TENM3: variants seen among roughly 807,000 people sequenced by gnomAD.
TENM3 encodes teneurin-3.
TENM3 carries 63 observed loss-of-function variants against 255.1 expected under a neutral mutation model. That is an observed-to-expected ratio of 0.25 (90% CI 0.20 to 0.30). The LOEUF is 0.30. Ranked by LOEUF, TENM3 falls within the 10% of genes least tolerant of loss-of-function variation. The probability of loss-of-function intolerance (pLI) is 1.00; values close to 1 mark genes in which losing one functional copy is unlikely to be tolerated. For missense variants in TENM3, 2,929 were observed against 3,461.1 expected (o/e 0.85, Z 3.86); for synonymous variants, 1,306 against 1,322.3 (o/e 0.99, Z 0.27).
chr4:182,387,224 A>G (rs944827559), intron 3 of TENM3, among the ~76,000 whole-genome samples: 1 of 152,122 alleles, frequency 6.6e-6, no homozygotes, highest in Non-Finnish European at 1.5e-5. Context: ...AAGGTTTGTA[A>G]ACACACCAGT....
intron 3 of TENM3, among the ~76,000 whole-genome samples, chr4:182,503,013 C>T (rs1029207379): frequency 7.0e-6 from 1 of 142,968 alleles, no homozygotes; most frequent in Admixed American, 7.4e-5. Context: ...ATCTTCTGCT[C>T]TCTTGTCCAA....
intron 1 of TENM3, among the ~76,000 whole-genome samples, chr4:182,314,255 C>T (rs1490636955): frequency 2.0e-5 from 3 of 151,560 alleles, no homozygotes; most frequent in Admixed American, 2.0e-4. Context: ...GAGCCGAGAT[C>T]GCGCCACTAC....
At chr4:182,719,689 GGT>G (rs1259995299) in intron 13 of TENM3, among the ~76,000 whole-genome samples, 1 of 151,960 alleles carries the variant, frequency 6.6e-6, no homozygotes, top group East Asian at 1.9e-4. Flanking sequence ...AGTCAACTGA[GGT>G]TATTCAGAAA....
intron 3 of TENM3, among the ~76,000 whole-genome samples, chr4:182,414,234 T>C (rs75095121): frequency 4.6e-5 from 7 of 152,328 alleles, no homozygotes; most frequent in Admixed American, 1.3e-4. Context: ...TTATGCCTAA[T>C]TGTGGTGAGT....
At chr4:182,768,292 T>C (rs17074039) in intron 22 of TENM3, among the ~76,000 whole-genome samples, 13,535 of 152,224 alleles carry the variant, frequency 0.089, 730 homozygotes, top group South Asian at 0.13. Context: ...CGATAAATAC[T>C]CCTGTTGTCA....
At chr4:182,459,326 A>G (rs930360255) in intron 3 of TENM3, among the ~76,000 whole-genome samples, 1 of 152,206 alleles carries the variant, frequency 6.6e-6, no homozygotes, top group Non-Finnish European at 1.5e-5. Context: ...TTTGAAAGCA[A>G]TAGTATTCAT....
upstream of TENM3, among the ~76,000 whole-genome samples, chr4:182,240,377 T>G (rs568638904): frequency 1.4e-3 from 211 of 152,292 alleles, no homozygotes; most frequent in Non-Finnish European, 2.3e-3. Context: ...CCCACATTCT[T>G]TAAATATTTT....
the TENM3 span, among the ~76,000 whole-genome samples, chr4:181,808,236 A>C: frequency 6.6e-6 from 1 of 152,330 alleles, no homozygotes; most frequent in South Asian, 2.1e-4. Flanking sequence ...CCATAGCAAA[A>C]TCAATATGCT....
At chr4:181,777,404 T>C in the TENM3 span, among the ~76,000 whole-genome samples, 1 of 152,176 alleles carries the variant, frequency 6.6e-6, no homozygotes, top group Non-Finnish European at 1.5e-5. Flanking sequence ...TCTTTTTTTG[T>C]TCCATACAAA....
chr4:182,296,636 A>G (rs1230416703), intron 1 of TENM3, among the ~76,000 whole-genome samples: 2 of 152,206 alleles, frequency 1.3e-5, no homozygotes, highest in Admixed American at 1.3e-4. Context: ...TGAAGCCATT[A>G]CAGAAACGTG....
At chr4:181,786,752 T>C in the TENM3 span, among the ~76,000 whole-genome samples, 1 of 151,586 alleles carries the variant, frequency 6.6e-6, no homozygotes, top group Non-Finnish European at 1.5e-5. Flanking sequence ...GAAAATTCCA[T>C]AGGGAGTCGC....
chr4:181,937,462 G>A, the TENM3 span, among the ~76,000 whole-genome samples: 24 of 152,242 alleles, frequency 1.6e-4, no homozygotes, highest in African/African-American at 5.3e-4. Context: ...CTTAGCCATC[G>A]TAGGAAGAGT....
chr4:181,958,252 T>C, the TENM3 span, among the ~76,000 whole-genome samples: 3 of 152,202 alleles, frequency 2.0e-5, no homozygotes, highest in Non-Finnish European at 2.9e-5. Context: ...GCAGGGGTGA[T>C]TAAGTACCTC....
chr4:182,736,109 C>T (rs1761140232), intron 16 of TENM3, among the ~76,000 whole-genome samples: 1 of 152,118 alleles, frequency 6.6e-6, no homozygotes, highest in Admixed American at 6.6e-5. Flanking sequence ...TATCAAAAAT[C>T]CATGGTAAGT....
intron 1 of TENM3, among the ~76,000 whole-genome samples, chr4:182,159,951 A>G (rs1750997166): frequency 6.6e-6 from 1 of 152,202 alleles, no homozygotes; most frequent in Non-Finnish European, 1.5e-5. Context: ...GATAACAGGG[A>G]TGCTTTGTGG....
intron 24 of TENM3, among the ~76,000 whole-genome samples, chr4:182,786,422 G>A (rs1000967503): frequency 1.3e-5 from 2 of 152,038 alleles, no homozygotes; most frequent in Non-Finnish European, 2.9e-5. Flanking sequence ...GCAAGGTGTG[G>A]TGGCACATGA....
chr4:182,623,625 C>T (rs771456744), intron 4 of TENM3, among the ~76,000 whole-genome samples: 2 of 152,024 alleles, frequency 1.3e-5, no homozygotes, highest in East Asian at 1.9e-4. Flanking sequence ...CCACCGCACC[C>T]GGCCTGTTTT....
intron 1 of TENM3, among the ~76,000 whole-genome samples, chr4:182,172,674 T>C (rs560226577): frequency 9.9e-5 from 15 of 152,234 alleles, no homozygotes. Flanking sequence ...CTGGCTGAAT[T>C]TAAAATTATT....
rs1762641154 is a variant in TENM3, at chr4:182,755,234, G to A, written c.4867G>A (p.Glu1623Lys). ...NSGLLATKSD[E>K]TGWTTFFDYD... ...TGGCCTTTTAGCCACTAAAAGTGAT[G>A]AAACTGGATGGACAACGTTTTTTGA... Residue 1623 changes from glutamate to lysine, a missense_variant, in exon 22 of 28, where the codon GAA becomes AAA. Physicochemically the swap from Glu to Lys is moderately conservative, Grantham distance 56. Coordinates refer to ENST00000511685, the MANE Select transcript of TENM3 (RefSeq NM_001080477.4). 2 of 1,603,848 alleles carry A rather than the reference G, an allele frequency of 1.2e-6. No homozygotes were observed. Among genetic ancestry groups the A allele is most frequent in the Middle Eastern group, 1.7e-4 (1 of 6,026 alleles).
Sources: allele counts gnomAD v4.1 joint callset (sites outside exome capture counted in the v4.1 genomes callset), GRCh38; gene constraint gnomAD v4.1.1; transcripts MANE v1.5; gene names NCBI Gene and HGNC (gene_info 2026-07-23, HGNC 2026-07-21).